Variants in PRKN observed in about 807,000 individuals in gnomAD.
PRKN encodes parkin RBR E3 ubiquitin protein ligase, also known as E3 ubiquitin-protein ligase parkin.
A neutral mutation model predicts 59.5 loss-of-function variants in PRKN; 56 were observed. The observed-to-expected ratio is 0.94, with a 90% CI of 0.76 to 1.18. PRKN has a LOEUF of 1.18. PRKN is among the 50% of genes most tolerant of loss of function. The pLI, the probability that PRKN is intolerant of heterozygous loss-of-function variation, is 0.00. For missense variants in PRKN, 657 were observed against 596.4 expected (o/e 1.10, Z -1.06); for synonymous variants, 250 against 222.1 (o/e 1.13, Z -1.12).
At chr6:162,457,796 C>A (rs948716543) in intron 1 of PRKN, among the ~76,000 whole-genome samples, 2 of 152,026 alleles carry the variant, frequency 1.3e-5, no homozygotes, top group Admixed American at 6.6e-5. Flanking sequence ...AATTTTCAAA[C>A]AATTTTATAT....
Position 161,393,885 on chromosome 6 carries a change from C to T in PRKN, c.1084-7008G>A, listed in dbSNP as rs1366377915. Among the ~76,000 whole-genome samples, 1 of 152,124 alleles carries T rather than the reference C, an allele frequency of 6.6e-6. No individual in the cohort carries two copies. On this transcript the variant is annotated intron_variant, in intron 9 of 11. Coordinates refer to ENST00000366898, the MANE Select transcript of PRKN (RefSeq NM_004562.3). The surrounding 1 kb of genome is among the most constrained non-coding windows in gnomAD (Gnocchi z 4.7). ...AAAAGAATAGGAGAGAATCAAATAC[C>T]ATCTTAGGACCCCTTACTAGAGTCA...
intron 7 of PRKN, among the ~76,000 whole-genome samples, chr6:161,573,719 CAAAAAAAAAAA>C (rs1207463759): frequency 6.9e-4 from 13 of 18,758 alleles, no homozygotes; most frequent in Admixed American, 1.2e-3. Context: ...GACTCCGTCT[CAAAAAAAAAAA>C]AAAAAAAAAA....
rs1277811038 is a variant in PRKN, at chr6:161,874,448, TATATATTATATGTAAA to T, written c.735-88556_735-88541del. The stretch of plus-strand genomic sequence containing the variant: ...TATATGTAAAATATTATATATAAAA[TATATATTATATGTAAA>T]ATATATTATATGTAAAATATATATT... On this transcript the variant is annotated intron_variant, in intron 6 of 11. Transcript: ENST00000366898. Among the ~76,000 whole-genome samples, 38 of 76,616 alleles carry T rather than the reference TATATATTATATGTAAA, an allele frequency of 5.0e-4. 2 individuals are homozygous for T. The highest frequency in any genetic ancestry group is 1.7e-3 in the African/African-American group (29 of 17,196). The allele number at this position is 76,616 out of a possible 152,430, so 50.3% of individuals were successfully genotyped here.
intron 2 of PRKN, among the ~76,000 whole-genome samples, chr6:162,309,375 G>A (rs1183976678): frequency 1.3e-5 from 2 of 152,102 alleles, no homozygotes; most frequent in African/African-American, 4.8e-5. Flanking sequence ...ATGTTGGTCA[G>A]GCTGTTCTCG....
chr6:162,598,235 C>G (rs1263252656), intron 1 of PRKN, among the ~76,000 whole-genome samples: 1 of 152,060 alleles, frequency 6.6e-6, no homozygotes, highest in East Asian at 1.9e-4. Context: ...AATATATGGG[C>G]CCCTTCAGGA....
chr6:162,124,589 C>T (rs982102174), intron 4 of PRKN, among the ~76,000 whole-genome samples: 5 of 151,972 alleles, frequency 3.3e-5, no homozygotes, highest in Non-Finnish European at 4.4e-5. Context: ...GGAGTATGAA[C>T]GTTGAGGTTG....
At chr6:161,728,315 A>G (rs1410249554) in intron 7 of PRKN, among the ~76,000 whole-genome samples, 1 of 152,144 alleles carries the variant, frequency 6.6e-6, no homozygotes, top group East Asian at 1.9e-4. Context: ...AATGAAACCA[A>G]TAATAGTGTC....
At chr6:161,718,984 A>G (rs1011970655) in intron 7 of PRKN, among the ~76,000 whole-genome samples, 3 of 152,190 alleles carry the variant, frequency 2.0e-5, no homozygotes, top group Non-Finnish European at 4.4e-5. Flanking sequence ...CTCATAACTA[A>G]GACTGTTATC....
At chr6:162,275,923 G>A (rs1780618044) in intron 2 of PRKN, among the ~76,000 whole-genome samples, 2 of 152,210 alleles carry the variant, frequency 1.3e-5, no homozygotes, top group South Asian at 4.1e-4. Flanking sequence ...AGGCGCAAGA[G>A]TCTTTGGTAG....
intron 7 of PRKN, among the ~76,000 whole-genome samples, chr6:161,624,125 T>C (rs1321046309): frequency 6.6e-6 from 1 of 152,224 alleles, no homozygotes; most frequent in African/African-American, 2.4e-5. Context: ...ATATTTTGAC[T>C]TTAGACAAAT....
intron 7 of PRKN, among the ~76,000 whole-genome samples, chr6:161,761,766 G>A (rs1226416917): frequency 6.6e-6 from 1 of 152,230 alleles, no homozygotes; most frequent in African/African-American, 2.4e-5. Flanking sequence ...ACACACTCAT[G>A]AAGTGACATT....
chr6:161,455,134 G>A (rs1439402574), intron 9 of PRKN, among the ~76,000 whole-genome samples: 1 of 151,804 alleles, frequency 6.6e-6, no homozygotes, highest in African/African-American at 2.4e-5. Flanking sequence ...TGCCCCCCGG[G>A]TTCAAGCAAT....
chr6:161,364,824 G>A (rs574841050), intron 10 of PRKN, among the ~76,000 whole-genome samples: 1 of 151,520 alleles, frequency 6.6e-6, no homozygotes, highest in Admixed American at 6.6e-5. Flanking sequence ...CACACTACTC[G>A]AAAGGCTGAG....
chr6:161,513,334 G>A (rs1047619617), intron 9 of PRKN, among the ~76,000 whole-genome samples: 2 of 152,078 alleles, frequency 1.3e-5, no homozygotes, highest in African/African-American at 2.4e-5. Context: ...TCCGCCCCCC[G>A]GGTTCAAGTG....
At chr6:162,361,643 C>T (rs1439923717) in intron 2 of PRKN, among the ~76,000 whole-genome samples, 1 of 152,096 alleles carries the variant, frequency 6.6e-6, no homozygotes. Context: ...AATTTTCTGG[C>T]TTGTCTTTTA....
intron 5 of PRKN, among the ~76,000 whole-genome samples, chr6:162,030,020 C>A (rs533181787): frequency 1.3e-5 from 2 of 152,148 alleles, no homozygotes; most frequent in South Asian, 4.2e-4. Flanking sequence ...AACAAAAAAT[C>A]GTAGAGATGG....
In PRKN at chr6:161,754,417, C is replaced by T. The variant is rs189610257; in HGVS notation, c.871+31355G>A. 1.2e-4 allele frequency among the ~76,000 whole-genome samples: 18 copies of T among 152,116 alleles called. No individual in the cohort carries two copies. The East Asian group carries it at 3.5e-3, about 30-fold the overall frequency. ...CCTGCAGCAAAAACACGCGGGGCAT[C>T]CAGGGAAGTGCACGGGCCATGGCGG... On this transcript the variant is annotated intron_variant, in intron 7 of 11. Coordinates refer to ENST00000366898, the MANE Select transcript of PRKN (RefSeq NM_004562.3).
chr6:161,730,735 C>T (rs556377702), intron 7 of PRKN, among the ~76,000 whole-genome samples: 1 of 152,260 alleles, frequency 6.6e-6, no homozygotes, highest in East Asian at 1.9e-4. Context: ...GTGTTGCATT[C>T]TTTCTGATAT....
chr6:161,735,934 G>T (rs1055278999), intron 7 of PRKN, among the ~76,000 whole-genome samples: 2 of 151,896 alleles, frequency 1.3e-5, no homozygotes, highest in African/African-American at 4.8e-5. Flanking sequence ...AAAAAAAAAA[G>T]TGAGACTATA....
Sources: gnomAD v4.1 joint callset for allele counts (sites outside exome capture counted in the v4.1 genomes callset) on GRCh38, gnomAD v4.1.1 for gene constraint, Gnocchi (gnomAD v3.1) non-coding constraint, MANE v1.5 for transcripts, NCBI Gene and HGNC (gene_info 2026-07-23, HGNC 2026-07-21) for gene names.